Variants in ALDH1L1 observed in about 807,000 individuals in gnomAD.
ALDH1L1 encodes cytosolic 10-formyltetrahydrofolate dehydrogenase.
ALDH1L1 carries 68 observed loss-of-function variants against 101.1 expected under a neutral mutation model. The observed-to-expected ratio is 0.67, with a 90% CI of 0.55 to 0.82. The LOEUF (loss-of-function observed/expected upper bound fraction) is 0.82, where lower values mean the gene tolerates loss of function less well. Ranked by LOEUF, ALDH1L1 falls within the 40% of genes least tolerant of loss-of-function variation. The probability of loss-of-function intolerance (pLI) is 0.00; values close to 1 mark genes in which losing one functional copy is unlikely to be tolerated. For missense variants in ALDH1L1, 1,087 were observed against 1,172.7 expected, an observed-to-expected ratio of 0.93 and a Z score of 1.07; for synonymous variants, 486 against 470.8, an observed-to-expected ratio of 1.03 and a Z score of -0.42.
upstream of ALDH1L1, chr3:126,180,650 G>C: frequency 2.3e-6 from 3 of 1,324,804 alleles, no homozygotes; most frequent in Non-Finnish European, 2.9e-6. Context: ...CGGGGCGGGC[G>C]GAGAGTCAGC....
chr3:126,138,192 C>T (rs937318018), intron 9 of ALDH1L1, among the ~76,000 whole-genome samples: 3 of 152,144 alleles, frequency 2.0e-5, no homozygotes, highest in Admixed American at 1.3e-4. Context: ...ATGACTAACT[C>T]CTCTAAGCCT....
At chr3:126,158,949 T>A (rs1425690682) in intron 2 of ALDH1L1, among the ~76,000 whole-genome samples, 1 of 152,188 alleles carries the variant, frequency 6.6e-6, no homozygotes, top group African/African-American at 2.4e-5. Context: ...GTCACTGAGT[T>A]ACTGTCTTCC....
At chr3:126,186,062 G>C (rs1268415203), upstream of ALDH1L1, among the ~76,000 whole-genome samples, 5 of 152,096 alleles carry the variant, frequency 3.3e-5, no homozygotes, top group African/African-American at 1.2e-4. Flanking sequence ...ATGTTTAATG[G>C]GGACAGAGTT....
At chr3:126,106,813 A>G (rs1008430805) in intron 21 of ALDH1L1, among the ~76,000 whole-genome samples, 11 of 152,224 alleles carry the variant, frequency 7.2e-5, no homozygotes, top group Non-Finnish European at 1.6e-4. Context: ...CAAGCCACTC[A>G]GTGTGGGGGG....
At chr3:126,143,378 G>GT (rs1220398352) in intron 9 of ALDH1L1, among the ~76,000 whole-genome samples, 3 of 152,104 alleles carry the variant, frequency 2.0e-5, no homozygotes, top group African/African-American at 4.8e-5. Context: ...GGTGATCCAC[G>GT]TATCAGGTGG....
chr3:126,151,820 G>C, intron 7 of ALDH1L1: 1 of 160,520 alleles, frequency 6.2e-6, no homozygotes, highest in Non-Finnish European at 1.5e-5. Flanking sequence ...GGGTCTTCTG[G>C]GTTGATCTGT....
At chr3:126,180,455 C>T in intron 1 of ALDH1L1, 21 bp downstream of exon 1, 2 of 989,800 alleles carry the variant, frequency 2.0e-6, no homozygotes, top group South Asian at 9.3e-5. Context: ...GTCCAGCGCT[C>T]TCGAGAGCCC....
At chr3:126,136,927 G>A in intron 10 of ALDH1L1, 44 bp from the exon 11 acceptor site, 1 of 1,610,976 alleles carries the variant, frequency 6.2e-7, no homozygotes. Flanking sequence ...CATGCAGGGT[G>A]CAGGAAGCAT....
intron 1 of ALDH1L1, among the ~76,000 whole-genome samples, chr3:126,162,217 C>CAGGT (rs2081073689): frequency 6.6e-6 from 1 of 152,164 alleles, no homozygotes; most frequent in South Asian, 2.1e-4. Flanking sequence ...ACATCTCTGT[C>CAGGT]AGGTGTGTAC....
At chr3:126,158,168 A>G (rs2080955611) in intron 3 of ALDH1L1, among the ~76,000 whole-genome samples, 2 of 152,078 alleles carry the variant, frequency 1.3e-5, no homozygotes, top group South Asian at 2.1e-4. Flanking sequence ...AGCTTCTCCA[A>G]TAACTGTGGG....
chr3:126,137,025 G>C, intron 10 of ALDH1L1, 142 bp from the exon 11 acceptor site: 1 of 1,264,022 alleles, frequency 7.9e-7, no homozygotes, highest in Non-Finnish European at 1.1e-6. Context: ...CTGAGCAGGG[G>C]AGAGACAAAG....
intron 1 of ALDH1L1, among the ~76,000 whole-genome samples, chr3:126,171,454 CTCAG>C (rs1156673317): frequency 6.7e-6 from 1 of 148,154 alleles, no homozygotes; most frequent in Non-Finnish European, 1.5e-5. Flanking sequence ...TCCTTAAAAA[CTCAG>C]TCTGTAAGAG....
chr3:126,158,866 G>A (rs1052496408), intron 2 of ALDH1L1, among the ~76,000 whole-genome samples: 2 of 152,160 alleles, frequency 1.3e-5, no homozygotes, highest in African/African-American at 4.8e-5. Context: ...CAGGACCTCT[G>A]AGTGCCTCCC....
At chr3:126,140,554 T>C (rs2080546457) in intron 9 of ALDH1L1, among the ~76,000 whole-genome samples, 2 of 152,202 alleles carry the variant, frequency 1.3e-5, no homozygotes, top group African/African-American at 2.4e-5. Flanking sequence ...CTTTTTCCTA[T>C]ATGACAATAG....
intron 17 of ALDH1L1, among the ~76,000 whole-genome samples, chr3:126,116,381 G>A (rs1362656052): frequency 6.6e-6 from 1 of 151,958 alleles, no homozygotes; most frequent in African/African-American, 2.4e-5. Context: ...CTACAGGCAC[G>A]TGCCACCACA....
upstream of ALDH1L1, among the ~76,000 whole-genome samples, chr3:126,184,725 G>T (rs2081502911): frequency 6.6e-6 from 1 of 152,222 alleles, no homozygotes; most frequent in Non-Finnish European, 1.5e-5. Context: ...ATAGACATGG[G>T]TTCTCTTTCT....
At chr3:126,151,563 G>A (rs1377049118) in intron 7 of ALDH1L1, 4 of 152,188 alleles carry the variant, frequency 2.6e-5, no homozygotes, top group Non-Finnish European at 5.9e-5. Context: ...AAATGCTTTT[G>A]TTAGGGGCCA....
chr3:126,186,180 T>C (rs2081517110), upstream of ALDH1L1, among the ~76,000 whole-genome samples: 1 of 152,220 alleles, frequency 6.6e-6, no homozygotes, highest in African/African-American at 2.4e-5. Context: ...ATGGTAAATT[T>C]TGGGTTATGT....
intron 9 of ALDH1L1, among the ~76,000 whole-genome samples, chr3:126,145,394 C>T (rs1311313847): frequency 2.0e-5 from 3 of 152,238 alleles, no homozygotes; most frequent in African/African-American, 7.2e-5. Context: ...AATTCCCATG[C>T]ACTTCCACAT....
Sources: gnomAD v4.1 joint callset for allele counts (sites outside exome capture counted in the v4.1 genomes callset) on GRCh38, gnomAD v4.1.1 for gene constraint, MANE v1.5 for transcripts, NCBI Gene and HGNC (gene_info 2026-07-23, HGNC 2026-07-21) for gene names.